Variants in SHANK2 observed in about 807,000 individuals in gnomAD.
SHANK2 encodes the protein SH3 and multiple ankyrin repeat domains protein 2.
SHANK2 carries 43 observed loss-of-function variants against 133.7 expected under a neutral mutation model. That is an observed-to-expected ratio of 0.32 (90% confidence interval 0.25 to 0.41). The LOEUF (loss-of-function observed/expected upper bound fraction) is 0.41. Ranked by LOEUF, SHANK2 falls within the 10% of genes least tolerant of loss-of-function variation. The probability of loss-of-function intolerance (pLI) is 1.00; values close to 1 mark genes in which losing one functional copy is unlikely to be tolerated. For synonymous variants in SHANK2, 1,017 were observed against 952.8 expected (o/e 1.07, Z -1.24); for missense variants, 1,994 against 2,235.8 (o/e 0.89, Z 2.18).
chr11:71,121,726 G>A (rs1377527975), intron 3 of SHANK2, among the ~76,000 whole-genome samples: 5 of 152,196 alleles, frequency 3.3e-5, no homozygotes, highest in East Asian at 3.9e-4. Context: ...TTAATCCATC[G>A]TGAATTAATT....
chr11:70,520,354 T>A (rs1591530897), intron 17 of SHANK2, among the ~76,000 whole-genome samples: 1 of 152,344 alleles, frequency 6.6e-6, no homozygotes, highest in East Asian at 1.9e-4. Flanking sequence ...GGATGGTTTC[T>A]TAGACTTTGT....
At chr11:71,220,242 A>C (rs886641126) in intron 2 of SHANK2, among the ~76,000 whole-genome samples, 4 of 144,204 alleles carry the variant, frequency 2.8e-5, no homozygotes, top group African/African-American at 1.1e-4. Flanking sequence ...CTCAAAACAG[A>C]AACAAACAAA....
At chr11:70,789,678 T>G (rs1362540195) in intron 14 of SHANK2, among the ~76,000 whole-genome samples, 2 of 152,154 alleles carry the variant, frequency 1.3e-5, no homozygotes, top group East Asian at 3.9e-4. Context: ...CTCATCTGGG[T>G]AGGTGCCCAG....
In SHANK2 at chr11:70,672,060, CT is replaced by C. The variant is rs201865483; in HGVS notation, c.1854-10383del. On this transcript the variant is annotated intron_variant, in intron 15 of 25. Transcript: ENST00000601538. ...CAGATCCCCACCATACTTTTCTTTT[CT>C]TTTTCTTTTTTTTTTTTTTTTAGAG... Among the ~76,000 whole-genome samples, 164 of 120,980 alleles carry C rather than the reference CT, an allele frequency of 1.4e-3. 1 individual carries two copies. The highest frequency in any genetic ancestry group is 2.7e-3 in the African/African-American group (90 of 33,170). The allele number at this position is 120,980 out of a possible 152,430, so 79.4% of individuals were successfully genotyped here. A position where few individuals can be genotyped will look rare whatever the true frequency, so the allele number is the denominator to read the frequency against.
rs1428741460 is a variant in SHANK2 at position 70,863,565 on chromosome 11, C to A, written c.1174+32936G>T. On this transcript the variant is annotated intron_variant, in intron 11 of 25. Coordinates refer to ENST00000601538, the MANE Select transcript of SHANK2 (RefSeq NM_012309.5). ...TTAACTCTGGATCCCAGTGAAGGTA[C>A]AATTTAGAGTCTAAAATAACTCAGG... The A allele has an allele frequency of 8.7e-6, 4 of 457,636 alleles. No individual in the cohort carries two copies. In the Middle Eastern group the frequency reaches 9.7e-4, roughly 111 times the overall value. The allele number at this position is 457,636 out of a possible 1,614,324, so 28.3% of individuals were successfully genotyped here.
At chr11:70,906,254 C>A (rs917756075) in intron 10 of SHANK2, among the ~76,000 whole-genome samples, 1 of 152,230 alleles carries the variant, frequency 6.6e-6, no homozygotes, top group Non-Finnish European at 1.5e-5. Flanking sequence ...GCAGCACATG[C>A]GAATGCTCTT....
At chr11:70,692,580 C>T (rs955844647) in intron 15 of SHANK2, among the ~76,000 whole-genome samples, 2 of 152,180 alleles carry the variant, frequency 1.3e-5, no homozygotes, top group South Asian at 4.1e-4. Flanking sequence ...ATTTGCAGGG[C>T]CCTTCTCTAG....
chr11:71,224,898 G>C (rs1380434423), intron 1 of SHANK2, 102 bp from the exon 2 acceptor site: 1 of 152,318 alleles, frequency 6.6e-6, no homozygotes, highest in South Asian at 2.1e-4. Flanking sequence ...CTAAAAACCA[G>C]GGATCGAACT....
rs782764781 is a variant in SHANK2, at chr11:70,473,146, G to A, written c.5273C>T (p.Ala1758Val). Reference protein sequence around the residue: ...PSGDLFGLNPAGRSRSPSPSI... With the variant: ...PSGDLFGLNPVGRSRSPSPSI... ...GGGGGATGGCGACCTACTGCGTCCC[G>A]CTGGGTTCAAGCCAAATAGATCCCC... Residue 1758 changes from alanine to valine, a missense_variant, in exon 26 of 26, where the codon GCG (alanine) becomes GTG (valine). This residue lies in a region of SHANK2 where 797 missense variants were observed against 907.4 expected (regional missense o/e 0.88). Transcript: ENST00000601538. This position sits in a 1 kb window ranked among gnomAD's most constrained non-coding sequence, Gnocchi z 5.9. The A allele has an allele frequency of 5.2e-5, 84 of 1,614,100 alleles. 1 individual carries two copies. The South Asian group carries it at 5.8e-4, about 11-fold the overall frequency.
chr11:70,795,956 G>C (rs1947901323), intron 14 of SHANK2, among the ~76,000 whole-genome samples: 1 of 152,214 alleles, frequency 6.6e-6, no homozygotes, highest in South Asian at 2.1e-4. Flanking sequence ...AGAAAATACG[G>C]TTTTATCAAG....
chr11:70,881,880 T>G (rs1376385929), intron 11 of SHANK2, among the ~76,000 whole-genome samples: 6 of 151,620 alleles, frequency 4.0e-5, no homozygotes, highest in Admixed American at 1.3e-4. Context: ...AGCAAATTAT[T>G]TATTTATTTT....
rs534546814 is a variant in SHANK2, at chr11:70,829,872, C to T, written c.1175-9190G>A. Among the ~76,000 whole-genome samples the T allele has an allele frequency of 2.2e-4, 33 of 152,296 alleles. 1 individual carries two copies. In the South Asian group the frequency reaches 3.3e-3, roughly 15 times the overall value. On this transcript the variant is annotated intron_variant, in intron 11 of 25. Transcript: ENST00000601538. ...GCCACACGGGGTCTTCTGGTCAACC[C>T]CACAGAAATCCTGCCAAGGGAGTTG...
intron 14 of SHANK2, among the ~76,000 whole-genome samples, chr11:70,720,566 C>T (rs370784876): frequency 3.1e-4 from 47 of 152,356 alleles, no homozygotes; most frequent in African/African-American, 1.1e-3. Context: ...GTCACACCCC[C>T]ATGGCAGGGA....
At chr11:71,241,388 C>T (rs548336343) in intron 1 of SHANK2, among the ~76,000 whole-genome samples, 59 of 152,132 alleles carry the variant, frequency 3.9e-4, no homozygotes, top group Non-Finnish European at 7.9e-4. Context: ...GGGAAGTGCC[C>T]GGAAGCCCCG....
intron 14 of SHANK2, among the ~76,000 whole-genome samples, chr11:70,765,526 A>C (rs1489663085): frequency 1.3e-5 from 2 of 152,214 alleles, no homozygotes; most frequent in African/African-American, 4.8e-5. Flanking sequence ...GCCAGGACTG[A>C]AGCTGTTATT....
At chr11:70,799,200 C>T (rs1259773932) in intron 13 of SHANK2, among the ~76,000 whole-genome samples, 4 of 152,012 alleles carry the variant, frequency 2.6e-5, no homozygotes, top group Non-Finnish European at 5.9e-5. Flanking sequence ...GAGTTCAAGA[C>T]CAGCCTGGCC....
intron 2 of SHANK2, among the ~76,000 whole-genome samples, chr11:71,164,540 G>A (rs868959386): frequency 3.3e-5 from 5 of 152,260 alleles, no homozygotes; most frequent in Non-Finnish European, 5.9e-5. Flanking sequence ...GACAGCTGCC[G>A]CACCTTCTAA....
chr11:70,558,150 C>T (rs376121209), intron 17 of SHANK2, among the ~76,000 whole-genome samples: 17 of 152,276 alleles, frequency 1.1e-4, no homozygotes, highest in Middle Eastern at 3.4e-3. Context: ...TGGGGATTCT[C>T]GGAGAGGTTC....
chr11:70,627,793 C>T (rs1213664074), intron 17 of SHANK2, among the ~76,000 whole-genome samples: 2 of 152,086 alleles, frequency 1.3e-5, no homozygotes, highest in African/African-American at 4.8e-5. Context: ...TGGGACTTAC[C>T]CCATGAGGTC....
Sources: gnomAD v4.1 joint callset for allele counts (sites outside exome capture counted in the v4.1 genomes callset) on GRCh38, gnomAD v4.1.1 for gene constraint, gnomAD v4.1.1 regional missense constraint, Gnocchi (gnomAD v3.1) non-coding constraint, MANE v1.5 for transcripts, NCBI Gene and HGNC (gene_info 2026-07-23, HGNC 2026-07-21) for gene names.